Variants in THSD7A observed in about 807,000 individuals in gnomAD.
THSD7A encodes thrombospondin type 1 domain containing 7A, also known as thrombospondin type-1 domain-containing protein 7A.
Under a neutral mutation model 231.3 loss-of-function variants are expected in THSD7A, and 96 were observed. The observed-to-expected ratio is 0.41, with a 90% CI of 0.35 to 0.49. THSD7A has a LOEUF of 0.49. THSD7A is among the 20% of genes least tolerant of loss of function. The pLI is 0.05. For missense variants in THSD7A, 2,290 were observed against 2,070.2 expected (o/e 1.11, Z -2.06); for synonymous variants, 940 against 743.3 (o/e 1.26, Z -4.30).
intron 1 of THSD7A, among the ~76,000 whole-genome samples, chr7:11,728,309 C>T (rs1446331421): frequency 1.3e-5 from 2 of 151,912 alleles, no homozygotes; most frequent in South Asian, 2.1e-4. Context: ...CAATGCAAAG[C>T]CATGCTCAAC....
intron 1 of THSD7A, among the ~76,000 whole-genome samples, chr7:11,649,328 C>A (rs1264734420): frequency 2.0e-5 from 3 of 151,948 alleles, no homozygotes; most frequent in East Asian, 3.9e-4. Context: ...TCATGATAGA[C>A]CCTGAGTCAG....
At chr7:11,513,367 C>T (rs1363680672) in intron 6 of THSD7A, among the ~76,000 whole-genome samples, 2 of 129,820 alleles carry the variant, frequency 1.5e-5, no homozygotes, top group Admixed American at 7.3e-5. Flanking sequence ...TAAAAAAAAC[C>T]AAAAAACAAA....
intron 2 of THSD7A, among the ~76,000 whole-genome samples, chr7:11,598,005 T>A (rs755484995): frequency 1.3e-5 from 2 of 152,184 alleles, no homozygotes; most frequent in Non-Finnish European, 2.9e-5. Context: ...CTGCACGGTA[T>A]GCAGGCGCCA....
rs1782114577 is a variant in THSD7A at position 11,372,956 on chromosome 7, G to A, written c.*2838C>T. ...GTTCTCCTCTTTCCACCTTTCTAAC[G>A]AGGTTATCCAGTATTTATTTATCCT... On this transcript the variant is annotated 3_prime_UTR_variant, in exon 28 of 28. Transcript: ENST00000423059. The A allele has an allele frequency of 2.0e-5, 3 of 151,534 alleles. No homozygotes were observed. The highest frequency in any genetic ancestry group is 2.1e-4 in the South Asian group (1 of 4,798). 9.4% of individuals were successfully genotyped at this position (151,534 alleles called of 1,614,324 possible).
intron 1 of THSD7A, among the ~76,000 whole-genome samples, chr7:11,757,671 C>G (rs1468864710): frequency 6.6e-6 from 1 of 151,886 alleles, no homozygotes; most frequent in Non-Finnish European, 1.5e-5. Context: ...AGAAAAGTAA[C>G]TGACAGATTA....
At chr7:11,736,806 C>T (rs1781931104) in intron 1 of THSD7A, among the ~76,000 whole-genome samples, 1 of 151,908 alleles carries the variant, frequency 6.6e-6, no homozygotes, top group African/African-American at 2.4e-5. Flanking sequence ...TTGACCATGG[C>T]CCCACCCAAA....
chr7:11,521,782 A>T (rs2128316483), intron 6 of THSD7A, among the ~76,000 whole-genome samples: 1 of 150,624 alleles, frequency 6.6e-6, no homozygotes, highest in Non-Finnish European at 1.5e-5. Context: ...AGGACTGCCA[A>T]ATAGCAGGTA....
intron 23 of THSD7A, among the ~76,000 whole-genome samples, chr7:11,387,198 T>G (rs532087576): frequency 6.6e-6 from 1 of 152,300 alleles, no homozygotes; most frequent in East Asian, 1.9e-4. Context: ...ATGCGGGCTC[T>G]TTTTTTGTTC....
intron 23 of THSD7A, among the ~76,000 whole-genome samples, chr7:11,397,563 G>T (rs1040546969): frequency 3.1e-4 from 47 of 152,112 alleles, no homozygotes; most frequent in African/African-American, 1.1e-3. Context: ...TGACAAACGG[G>T]ATCTAATTAA....
At chr7:11,706,007 G>T (rs1047926256) in intron 1 of THSD7A, among the ~76,000 whole-genome samples, 3 of 150,896 alleles carry the variant, frequency 2.0e-5, no homozygotes, top group Non-Finnish European at 3.0e-5. Flanking sequence ...CTACACAAAT[G>T]ATTTGGATTA....
intron 14 of THSD7A, among the ~76,000 whole-genome samples, chr7:11,428,482 T>G (rs535133511): frequency 6.6e-6 from 1 of 152,204 alleles, no homozygotes; most frequent in African/African-American, 2.4e-5. Context: ...TTTTCTCAGT[T>G]TGTTTTATAT....
Position 11,447,389 on chromosome 7 carries a change from C to T in THSD7A, c.2641G>A (p.Gly881Arg), listed in dbSNP as rs1470873124. The T allele has an allele frequency of 6.3e-7, 1 of 1,593,890 alleles. No individual in the cohort carries two copies. The highest frequency in any genetic ancestry group is 8.5e-7 in the Non-Finnish European group (1 of 1,171,556). Residue 881 changes from glycine to arginine, a missense_variant, in exon 12 of 28, where the codon GGA (glycine) becomes AGA (arginine). Physicochemically the swap from Gly to Arg is moderately radical, Grantham distance 125 (BLOSUM62 -2). Transcript: ENST00000423059. ...TCRKQDGGQA[G>R]IHECLQYAGP... ...GCATACTGTAGGCACTCATGGATTC[C>T]AGCCTGTCCTCCATCTTGCTTGCGA...
At chr7:11,554,401 A>G (rs990446530) in intron 4 of THSD7A, among the ~76,000 whole-genome samples, 1 of 152,072 alleles carries the variant, frequency 6.6e-6, no homozygotes, top group African/African-American at 2.4e-5. Context: ...GTGTTAGGGA[A>G]CAAGCATTCA....
chr7:11,425,434 A>G (rs1234070666), intron 15 of THSD7A, among the ~76,000 whole-genome samples: 1 of 152,132 alleles, frequency 6.6e-6, no homozygotes, highest in African/African-American at 2.4e-5. Flanking sequence ...AAGGCTTGGA[A>G]GCAAAGTCTG....
intron 1 of THSD7A, among the ~76,000 whole-genome samples, chr7:11,646,604 T>A (rs1782291879): frequency 6.6e-6 from 1 of 152,076 alleles, no homozygotes; most frequent in East Asian, 1.9e-4. Flanking sequence ...AGGCTACCGA[T>A]CTTCCATTAC....
Position 11,479,928 on chromosome 7 carries a change from C to T in THSD7A, c.2017+1860G>A, listed in dbSNP as rs1388665920. ...TAGCTGGAAGAGAGGATTCTCTATGCCCTTGCTAAAAGAAATGATAAATGT... is the reference window on the plus strand; with the variant it reads ...TAGCTGGAAGAGAGGATTCTCTATGTCCTTGCTAAAAGAAATGATAAATGT... On this transcript the variant is annotated intron_variant, in intron 7 of 27. Coordinates refer to ENST00000423059, the MANE Select transcript of THSD7A (RefSeq NM_015204.3). Among the ~76,000 whole-genome samples, 27 of 152,014 alleles carry T rather than the reference C, an allele frequency of 1.8e-4. 1 individual carries two copies. The highest frequency in any genetic ancestry group is 1.8e-3 in the Admixed American group (27 of 15,258).
At chr7:11,546,951 G>C (rs901497029) in intron 4 of THSD7A, among the ~76,000 whole-genome samples, 2 of 152,090 alleles carry the variant, frequency 1.3e-5, no homozygotes, top group African/African-American at 4.8e-5. Context: ...AGCTAATGAA[G>C]AAATTTCAGA....
intron 2 of THSD7A, among the ~76,000 whole-genome samples, chr7:11,617,617 T>C (rs2128351594): frequency 6.6e-6 from 1 of 152,356 alleles, no homozygotes; most frequent in South Asian, 2.1e-4. Flanking sequence ...CACTCTAGCA[T>C]TCTACTTACA....
Position 11,831,732 on chromosome 7 carries a change from GA to G in THSD7A, c.190+24del. 7.2e-7 allele frequency: 1 copy of G among 1,388,388 alleles called. No homozygotes were observed. Among genetic ancestry groups the G allele is most frequent in the Non-Finnish European group, 9.4e-7 (1 of 1,064,380 alleles). 86.0% of individuals were successfully genotyped at this position (1,388,388 alleles called of 1,614,324 possible). A position where few individuals can be genotyped will look rare whatever the true frequency, so the allele number is the denominator to read the frequency against. ...ATGTGGCCCCAGATGTGAAGATGGG[GA>G]AAGGGTAACTCCGTCCCACTTACCA... On this transcript the variant is annotated intron_variant, in intron 1 of 27. Coordinates refer to ENST00000423059, the MANE Select transcript of THSD7A (RefSeq NM_015204.3). This position sits in a 1 kb window ranked among gnomAD's most constrained non-coding sequence, Gnocchi z 5.0.
Sources: gnomAD v4.1 joint callset for allele counts (sites outside exome capture counted in the v4.1 genomes callset) on GRCh38, gnomAD v4.1.1 for gene constraint, Gnocchi (gnomAD v3.1) non-coding constraint, MANE v1.5 for transcripts, NCBI Gene and HGNC (gene_info 2026-07-23, HGNC 2026-07-21) for gene names.